SPAG16: variants seen among roughly 807,000 people sequenced by gnomAD.
The protein encoded by SPAG16 is sperm associated antigen 16, also known as sperm-associated antigen 16 protein.
A neutral mutation model predicts 80.4 loss-of-function variants in SPAG16; 86 were observed. That is an observed-to-expected ratio of 1.07 (90% CI 0.90 to 1.28). SPAG16 has a LOEUF of 1.28. Ranked by LOEUF, SPAG16 falls within the 50% of genes most tolerant of loss-of-function variation. SPAG16 has a pLI of 0.00. For synonymous variants in SPAG16, 294 were observed against 265.9 expected (o/e 1.11, Z -1.03); for missense variants, 870 against 765.3 (o/e 1.14, Z -1.61).
At chr2:214,085,032 C>G (rs2051628701) in intron 13 of SPAG16, among the ~76,000 whole-genome samples, 1 of 152,138 alleles carries the variant, frequency 6.6e-6, no homozygotes, top group South Asian at 2.1e-4. Flanking sequence ...AAATGCTTCA[C>G]AGAAAGCAGG....
At chr2:214,313,320 G>T (rs1288199507) in intron 15 of SPAG16, among the ~76,000 whole-genome samples, 1 of 152,082 alleles carries the variant, frequency 6.6e-6, no homozygotes, top group African/African-American at 2.4e-5. Flanking sequence ...CCTTTGTGAA[G>T]TTACATTACT....
At chr2:213,630,655 A>C (rs1009104926) in intron 10 of SPAG16, among the ~76,000 whole-genome samples, 2 of 152,206 alleles carry the variant, frequency 1.3e-5, no homozygotes, top group Admixed American at 6.5e-5. Context: ...GAATATATAG[A>C]AACATAGATA....
intron 10 of SPAG16, among the ~76,000 whole-genome samples, chr2:213,578,512 A>T (rs1273374069): frequency 6.6e-6 from 1 of 152,168 alleles, no homozygotes; most frequent in Non-Finnish European, 1.5e-5. Flanking sequence ...TTATTAAATG[A>T]TGTAAGCATC....
At chr2:214,319,571 G>A (rs993821183) in intron 15 of SPAG16, among the ~76,000 whole-genome samples, 3 of 151,984 alleles carry the variant, frequency 2.0e-5, no homozygotes, top group African/African-American at 7.2e-5. Context: ...TGAAAGTCAT[G>A]GTAGAAGTTG....
At chr2:213,615,962 T>C (rs2061579989) in intron 10 of SPAG16, among the ~76,000 whole-genome samples, 1 of 152,132 alleles carries the variant, frequency 6.6e-6, no homozygotes, top group African/African-American at 2.4e-5. Flanking sequence ...AAAACATAGA[T>C]GATGGGTTGA....
At chr2:214,233,398 T>A (rs2125807083) in intron 15 of SPAG16, among the ~76,000 whole-genome samples, 1 of 151,788 alleles carries the variant, frequency 6.6e-6, no homozygotes, top group East Asian at 1.9e-4. Flanking sequence ...AATAGATGGA[T>A]GGATGGATAC....
At chr2:213,621,320 T>A (rs2061775235) in intron 10 of SPAG16, among the ~76,000 whole-genome samples, 1 of 152,156 alleles carries the variant, frequency 6.6e-6, no homozygotes, top group South Asian at 2.1e-4. Context: ...GAAAAATATG[T>A]TACAACTGAG....
chr2:214,087,722 G>C (rs1465828502), intron 13 of SPAG16, among the ~76,000 whole-genome samples: 1 of 152,022 alleles, frequency 6.6e-6, no homozygotes, highest in Non-Finnish European at 1.5e-5. Context: ...CCAGTTATAA[G>C]CTTGAAAATG....
intron 10 of SPAG16, among the ~76,000 whole-genome samples, chr2:213,744,929 T>C (rs1198674247): frequency 3.9e-5 from 6 of 152,230 alleles, no homozygotes; most frequent in Non-Finnish European, 8.8e-5. Flanking sequence ...AATACATGTT[T>C]ACTTTTAATT....
chr2:214,167,178 A>G (rs926024415), intron 15 of SPAG16, among the ~76,000 whole-genome samples: 1 of 152,250 alleles, frequency 6.6e-6, no homozygotes, highest in Non-Finnish European at 1.5e-5. Flanking sequence ...GCATAATTCT[A>G]ACTCCGGCTC....
intron 14 of SPAG16, among the ~76,000 whole-genome samples, chr2:214,114,644 T>G (rs539239026): frequency 4.6e-5 from 7 of 152,296 alleles, no homozygotes; most frequent in African/African-American, 1.7e-4. Flanking sequence ...TGTCTGCCGG[T>G]TGCTAAGACC....
chr2:214,276,902 A>T (rs1252907257), intron 15 of SPAG16, among the ~76,000 whole-genome samples: 1 of 150,944 alleles, frequency 6.6e-6, no homozygotes. Context: ...ACTTGGTTCC[A>T]TTCTCCCCGT....
intron 8 of SPAG16, among the ~76,000 whole-genome samples, chr2:213,366,414 T>TAAAGAA (rs988236642): frequency 3.3e-5 from 5 of 151,552 alleles, no homozygotes; most frequent in Admixed American, 2.0e-4. Context: ...TTTTAATTTA[T>TAAAGAA]AAAGAAAAAG....
At chr2:214,147,970 A>G (rs1307785734) in intron 14 of SPAG16, among the ~76,000 whole-genome samples, 1 of 152,226 alleles carries the variant, frequency 6.6e-6, no homozygotes, top group Non-Finnish European at 1.5e-5. Context: ...TTATAGGATA[A>G]TTAAGGTATT....
intron 10 of SPAG16, among the ~76,000 whole-genome samples, chr2:213,694,377 A>T (rs748570770): frequency 6.6e-6 from 1 of 152,212 alleles, no homozygotes; most frequent in Admixed American, 6.5e-5. Flanking sequence ...AATTGTTCAC[A>T]ATTTTACTAT....
chr2:213,616,937 C>T (rs566367970), intron 10 of SPAG16, among the ~76,000 whole-genome samples: 86 of 152,256 alleles, frequency 5.6e-4, no homozygotes, highest in African/African-American at 2.0e-3. Flanking sequence ...AGAACCACAA[C>T]ATGAAAAATC....
intron 14 of SPAG16, among the ~76,000 whole-genome samples, chr2:214,147,017 AT>A (rs58426025): frequency 0.92 from 130,306 of 141,918 alleles, 59,490 homozygotes; most frequent in East Asian, 0.99. Flanking sequence ...AAAAAAAAAA[AT>A]TTTCATATTC....
At chr2:213,817,229 TG>T (rs2072602846) in intron 10 of SPAG16, among the ~76,000 whole-genome samples, 1 of 140,006 alleles carries the variant, frequency 7.1e-6, no homozygotes, top group Non-Finnish European at 1.5e-5. Flanking sequence ...TATATATATA[TG>T]CTTATATATA....
At chr2:213,911,238 C>G (rs1051573140) in intron 11 of SPAG16, among the ~76,000 whole-genome samples, 1 of 152,200 alleles carries the variant, frequency 6.6e-6, no homozygotes, top group South Asian at 2.1e-4. Context: ...TTCCACCTCC[C>G]GGGCTCAAGT....
Sources: allele counts gnomAD v4.1 joint callset (sites outside exome capture counted in the v4.1 genomes callset), GRCh38; gene constraint gnomAD v4.1.1; transcripts MANE v1.5; gene names NCBI Gene and HGNC (gene_info 2026-07-23, HGNC 2026-07-21).